CDYL2: variants seen among roughly 807,000 people sequenced by gnomAD.
The protein encoded by CDYL2 is chromodomain Y like 2.
In CDYL2, 23 loss-of-function variants were observed where a neutral mutation model predicts 49.4. The ratio of observed to expected loss-of-function variants is 0.47; its 90% CI spans 0.34 to 0.66. The LOEUF is 0.66. CDYL2 is among the 30% of genes least tolerant of loss of function. The pLI, the probability that CDYL2 is intolerant of heterozygous loss-of-function variation, is 0.01. For missense variants in CDYL2, 678 were observed against 656.4 expected (o/e 1.03, Z -0.36); for synonymous variants, 360 against 268.8 (o/e 1.34, Z -3.32).
chr16:80,632,860 G>A lies in CDYL2; in HGVS notation c.834+159C>T, dbSNP rs1214555245. 8 of 638,706 alleles carry A rather than the reference G, an allele frequency of 1.3e-5. No homozygotes were observed. In the Admixed American group the frequency reaches 1.3e-4, roughly 10 times the overall value. 39.6% of individuals were successfully genotyped at this position (638,706 alleles called of 1,614,324 possible). ...ATAAAGATCAAATGGGATAATGTATGTAAAATGATGAGCAAATTGCGCGCT... is the reference window on the plus strand; with the variant it reads ...ATAAAGATCAAATGGGATAATGTATATAAAATGATGAGCAAATTGCGCGCT... On this transcript the variant is annotated intron_variant, in intron 3 of 6. Coordinates refer to ENST00000570137, the MANE Select transcript of CDYL2 (RefSeq NM_152342.4).
chr16:80,630,813 A>G (rs1907527539), intron 3 of CDYL2, among the ~76,000 whole-genome samples: 1 of 152,100 alleles, frequency 6.6e-6, no homozygotes, highest in African/African-American at 2.4e-5. Flanking sequence ...TTTCAACCAT[A>G]ATAATAATGC....
At chr16:80,647,824 ATCT>A (rs1230349141) in intron 2 of CDYL2, among the ~76,000 whole-genome samples, 3 of 152,206 alleles carry the variant, frequency 2.0e-5, no homozygotes, top group Non-Finnish European at 4.4e-5. Flanking sequence ...AATATCAAGC[ATCT>A]TCTTCTCTAA....
intron 1 of CDYL2, among the ~76,000 whole-genome samples, chr16:80,694,604 A>G (rs1910548488): frequency 6.6e-6 from 1 of 152,214 alleles, no homozygotes; most frequent in Admixed American, 6.5e-5. Flanking sequence ...ATTTACACAT[A>G]TAAACATGGA....
In CDYL2 at chr16:80,602,131, A is replaced by G. The variant is rs1249805601; in HGVS notation, c.*2257T>C. ...TAGTGAAGACACTGTCTGCCACAATATGTAAGAACCAGGGTCATCTAAGGG... is the reference window on the plus strand; with the variant it reads ...TAGTGAAGACACTGTCTGCCACAATGTGTAAGAACCAGGGTCATCTAAGGG... On this transcript the variant is annotated 3_prime_UTR_variant, in exon 7 of 7. Transcript: ENST00000570137. 6.6e-6 allele frequency: 1 copy of G among 152,238 alleles called. No individual in the cohort carries two copies. Among genetic ancestry groups the G allele is most frequent in the East Asian group, 1.9e-4 (1 of 5,198 alleles). 9.4% of individuals were successfully genotyped at this position (152,238 alleles called of 1,614,324 possible). A position where few individuals can be genotyped will look rare whatever the true frequency, so the allele number is the denominator to read the frequency against.
At chr16:80,678,883 T>C (rs1370832351) in intron 2 of CDYL2, among the ~76,000 whole-genome samples, 35 of 150,808 alleles carry the variant, frequency 2.3e-4, no homozygotes, top group East Asian at 5.8e-4. Flanking sequence ...CAATGATAGA[T>C]TGGATTAAGA....
At chr16:80,772,121 A>G (rs1906925097) in intron 1 of CDYL2, among the ~76,000 whole-genome samples, 1 of 152,230 alleles carries the variant, frequency 6.6e-6, no homozygotes, top group South Asian at 2.1e-4. Context: ...CTGCAGTCCG[A>G]TAATTCTTTA....
At chr16:80,737,027 G>C (rs1232430866) in intron 1 of CDYL2, among the ~76,000 whole-genome samples, 1 of 152,194 alleles carries the variant, frequency 6.6e-6, no homozygotes, top group African/African-American at 2.4e-5. Context: ...TGGGAGAAGG[G>C]CTCCTGTGGA....
intron 3 of CDYL2, among the ~76,000 whole-genome samples, chr16:80,626,303 A>C (rs1051080039): frequency 6.6e-6 from 1 of 151,470 alleles, no homozygotes; most frequent in Non-Finnish European, 1.5e-5. Context: ...AAAAGGAAAA[A>C]ATTGGTGAAT....
chr16:80,674,515 T>C (rs1375283095), intron 2 of CDYL2, among the ~76,000 whole-genome samples: 1 of 152,250 alleles, frequency 6.6e-6, no homozygotes, highest in Admixed American at 6.5e-5. Flanking sequence ...CAGTGATTTT[T>C]AGTGTGACTT....
chr16:80,797,188 G>A (rs763174809), intron 1 of CDYL2, among the ~76,000 whole-genome samples: 5 of 152,070 alleles, frequency 3.3e-5, no homozygotes, highest in African/African-American at 9.7e-5. Context: ...GTGCTCCTGA[G>A]CTTCAGGCAC....
chr16:80,646,617 T>A (rs1249313194), intron 2 of CDYL2, among the ~76,000 whole-genome samples: 2 of 152,032 alleles, frequency 1.3e-5, no homozygotes, highest in African/African-American at 4.8e-5. Context: ...GGTGAAACCC[T>A]ATCTCTACTA....
In CDYL2 at chr16:80,684,770, A is replaced by G. The variant is rs112747723; in HGVS notation, c.384T>C (p.Gly128=). 8.7e-4 allele frequency: 1,406 copies of G among 1,613,822 alleles called. 6 individuals are homozygous for G. In the East Asian group the frequency reaches 0.015, roughly 17 times the overall value. The change falls in exon 2 of 7, where the codon GGT becomes GGC. Residue 128 remains glycine, a synonymous_variant. Coordinates refer to ENST00000570137, the MANE Select transcript of CDYL2 (RefSeq NM_152342.4). The part of the protein sequence containing the change: ...KGYSGKPSSG[G]DRATKTVSYR... Reference sequence around the variant, plus strand: ...AAGACACCGTCTTGGTGGCCCTGTCACCTCCTGAAGAGGGCTTGCCTGAAT... The same window carrying G: ...AAGACACCGTCTTGGTGGCCCTGTCGCCTCCTGAAGAGGGCTTGCCTGAAT...
At chr16:80,745,318 C>T (rs1206713267) in intron 1 of CDYL2, among the ~76,000 whole-genome samples, 1 of 152,158 alleles carries the variant, frequency 6.6e-6, no homozygotes, top group Non-Finnish European at 1.5e-5. Context: ...AGCCGATCAC[C>T]ATTCCCTATG....
chr16:80,715,572 C>T (rs1287796055), intron 1 of CDYL2, among the ~76,000 whole-genome samples: 1 of 152,166 alleles, frequency 6.6e-6, no homozygotes, highest in African/African-American at 2.4e-5. Flanking sequence ...CTCTGCACCC[C>T]TCCGGCCTCC....
At chr16:80,655,995 C>T (rs1413935995) in intron 2 of CDYL2, among the ~76,000 whole-genome samples, 2 of 152,216 alleles carry the variant, frequency 1.3e-5, no homozygotes, top group Non-Finnish European at 2.9e-5. Context: ...GAAATAATCC[C>T]AGCCCTACAT....
chr16:80,680,575 C>A (rs961499740), intron 2 of CDYL2, among the ~76,000 whole-genome samples: 4 of 152,156 alleles, frequency 2.6e-5, no homozygotes, highest in Admixed American at 2.0e-4. Context: ...AACCCACCAG[C>A]TTTTCTGTAC....
chr16:80,730,494 T>C (rs1175909909), intron 1 of CDYL2, among the ~76,000 whole-genome samples: 1 of 152,022 alleles, frequency 6.6e-6, no homozygotes, highest in African/African-American at 2.4e-5. Context: ...CAGGACCAGA[T>C]GGATTCACAG....
chr16:80,664,770 T>A (rs1008793870), intron 2 of CDYL2, among the ~76,000 whole-genome samples: 1 of 152,104 alleles, frequency 6.6e-6, no homozygotes, highest in Non-Finnish European at 1.5e-5. Context: ...AGCCACCTAC[T>A]GACTAATAGA....
chr16:80,600,679 T>C lies in CDYL2; in HGVS notation c.*3709A>G, dbSNP rs946811556. ...AAGATAAGCAATTCTGCATTTTAAA[T>C]ATTCACTTAGGAAGATTTGAAGATG... is the stretch of plus-strand genomic sequence containing the variant. On this transcript the variant is annotated 3_prime_UTR_variant, in exon 7 of 7. Transcript: ENST00000570137. 6.6e-6 allele frequency: 1 copy of C among 152,174 alleles called. No individual in the cohort carries two copies. Among genetic ancestry groups the C allele is most frequent in the Admixed American group, 6.5e-5 (1 of 15,272 alleles). The allele number at this position is 152,174 out of a possible 1,614,324, so 9.4% of individuals were successfully genotyped here. A position where few individuals can be genotyped will look rare whatever the true frequency, so the allele number is the denominator to read the frequency against.
Sources: allele counts gnomAD v4.1 joint callset (sites outside exome capture counted in the v4.1 genomes callset), GRCh38; gene constraint gnomAD v4.1.1; transcripts MANE v1.5; gene names NCBI Gene and HGNC (gene_info 2026-07-23, HGNC 2026-07-21).